ANKFN1: variants seen among roughly 807,000 people sequenced by gnomAD.
ANKFN1 encodes ankyrin repeat and fibronectin type III domain containing 1, also known as ankyrin repeat and fibronectin type-III domain-containing protein 1.
Under a neutral mutation model 108.7 loss-of-function variants are expected in ANKFN1, and 74 were observed. The observed-to-expected ratio is 0.68, with a 90% CI of 0.56 to 0.83. The LOEUF (loss-of-function observed/expected upper bound fraction) is 0.83, where lower values mean the gene tolerates loss of function less well. Among genes scored for constraint, ANKFN1 ranks in the 40% least tolerant of loss-of-function variants. The pLI, the probability that ANKFN1 is intolerant of heterozygous loss-of-function variation, is 0.00. For synonymous variants in ANKFN1, 547 were observed against 516.2 expected (o/e 1.06, Z -0.81); for missense variants, 1,505 against 1,382.3 (o/e 1.09, Z -1.41).
chr17:56,408,651 C>G (rs1301706942), intron 8 of ANKFN1, among the ~76,000 whole-genome samples: 1 of 152,142 alleles, frequency 6.6e-6, no homozygotes, highest in East Asian at 1.9e-4. Flanking sequence ...GATTTTATTT[C>G]TGTTACCTAT....
intron 3 of ANKFN1, among the ~76,000 whole-genome samples, chr17:56,304,128 G>A (rs915426703): frequency 1.3e-5 from 2 of 151,934 alleles, no homozygotes; most frequent in Non-Finnish European, 2.9e-5. Context: ...CCTTTAACTT[G>A]CCATTTTATG....
chr17:56,245,469 T>C (rs1408653094), intron 3 of ANKFN1, among the ~76,000 whole-genome samples: 1 of 152,166 alleles, frequency 6.6e-6, no homozygotes, highest in Non-Finnish European at 1.5e-5. Flanking sequence ...ATGGGTGATT[T>C]AATGAAATTT....
At chr17:56,389,689 T>G (rs940881170) in intron 8 of ANKFN1, among the ~76,000 whole-genome samples, 6 of 152,226 alleles carry the variant, frequency 3.9e-5, no homozygotes, top group African/African-American at 1.4e-4. Context: ...TGTCAGTTGG[T>G]GAAGGATTAT....
At chr17:56,456,670 A>G (rs1404459803) in intron 11 of ANKFN1, among the ~76,000 whole-genome samples, 191 bp from the exon 12 acceptor site, 4 of 152,066 alleles carry the variant, frequency 2.6e-5, no homozygotes, top group African/African-American at 9.6e-5. Context: ...TACTGGGATT[A>G]CCAGCGAGAG....
rs1402647413 is a variant in ANKFN1, at chr17:56,516,429, C to T, written c.*5160C>T. ...GTTACTTGTTCAGAATTTATTGTGT[C>T]TTATTGCTATGTATGCAACTGAGTG... On this transcript the variant is annotated 3_prime_UTR_variant, in exon 21 of 21. Transcript: ENST00000682825. Among the ~76,000 whole-genome samples, 1 of 152,120 alleles carries T rather than the reference C, an allele frequency of 6.6e-6. No individual in the cohort carries two copies. The highest frequency in any genetic ancestry group is 1.5e-5 in the Non-Finnish European group (1 of 68,014).
intron 3 of ANKFN1, among the ~76,000 whole-genome samples, chr17:56,254,768 C>T (rs1461770508): frequency 6.6e-6 from 1 of 152,138 alleles, no homozygotes; most frequent in African/African-American, 2.4e-5. Context: ...GAGAGGACAC[C>T]ATGAACATGG....
intron 3 of ANKFN1, among the ~76,000 whole-genome samples, chr17:56,324,406 AT>A (rs2045458586): frequency 6.6e-6 from 1 of 152,130 alleles, no homozygotes; most frequent in African/African-American, 2.4e-5. Context: ...CAACTTGAGT[AT>A]TTGCTCTAGA....
chr17:56,362,181 A>T (rs2144723464), intron 6 of ANKFN1, among the ~76,000 whole-genome samples: 1 of 152,308 alleles, frequency 6.6e-6, no homozygotes, highest in East Asian at 1.9e-4. Flanking sequence ...ATTTCTAAAA[A>T]TTGTTAGCCA....
intron 8 of ANKFN1, among the ~76,000 whole-genome samples, chr17:56,401,253 A>G (rs2047752814): frequency 6.6e-6 from 1 of 151,872 alleles, no homozygotes; most frequent in Admixed American, 6.6e-5. Flanking sequence ...TGTGTCATCT[A>G]TGATTTCTTT....
Position 56,372,688 on chromosome 17 carries a change from T to A in ANKFN1, c.644T>A (p.Val215Asp), listed in dbSNP as rs766856839. The stretch of plus-strand genomic sequence containing the variant: ...CGAGCAATGCACCTCAACACACTGG[T>A]CCAGGAAGCCCAGGAGAGGGTGAGT... ...ESRAMHLNTL[V>D]QEAQERVSEL... Residue 215 changes from valine to aspartate, a missense_variant, in exon 7 of 21, where the codon GTC becomes GAC. By Grantham distance (152) the Val-to-Asp change is radical. Coordinates refer to ENST00000682825, the MANE Select transcript of ANKFN1 (RefSeq NM_001370326.1). 1 of 1,613,822 alleles carries A rather than the reference T, an allele frequency of 6.2e-7. No homozygotes were observed. The highest frequency in any genetic ancestry group is 1.1e-5 in the South Asian group (1 of 91,052).
At chr17:56,106,523 AGAT>A (rs1447714799) in intron 4 of ANKFN1, among the ~76,000 whole-genome samples, 1 of 152,234 alleles carries the variant, frequency 6.6e-6, no homozygotes, top group Non-Finnish European at 1.5e-5. Context: ...TTTCACTGCC[AGAT>A]GATGATAACA....
At chr17:56,320,373 T>C (rs951084393) in intron 3 of ANKFN1, among the ~76,000 whole-genome samples, 3 of 152,234 alleles carry the variant, frequency 2.0e-5, no homozygotes, top group East Asian at 1.9e-4. Flanking sequence ...AGTGTGCCAA[T>C]TGAGAAAATA....
At chr17:56,505,363 A>G (rs2051519693) in intron 20 of ANKFN1, among the ~76,000 whole-genome samples, 1 of 152,214 alleles carries the variant, frequency 6.6e-6, no homozygotes. Flanking sequence ...AGAGCCTTCT[A>G]TGTACCATTT....
chr17:56,080,803 T>A (rs1356130269), intron 4 of ANKFN1, among the ~76,000 whole-genome samples: 1 of 152,208 alleles, frequency 6.6e-6, no homozygotes, highest in East Asian at 1.9e-4. Context: ...AAAGTGTGTG[T>A]TTTGGAAAAT....
At chr17:56,463,824 G>T (rs2049991012) in intron 14 of ANKFN1, 1 of 152,052 alleles carries the variant, frequency 6.6e-6, no homozygotes, top group Non-Finnish European at 1.5e-5. Flanking sequence ...TCTTTTTCAG[G>T]CCTCCTTATC....
intron 4 of ANKFN1, among the ~76,000 whole-genome samples, chr17:56,070,622 T>G (rs552231043): frequency 2.0e-5 from 3 of 152,330 alleles, no homozygotes; most frequent in African/African-American, 7.2e-5. Context: ...GGTTTATGTT[T>G]GTTCTCTTAA....
intron 4 of ANKFN1, among the ~76,000 whole-genome samples, chr17:56,121,874 G>T (rs1906642217): frequency 6.6e-6 from 1 of 152,200 alleles, no homozygotes; most frequent in South Asian, 2.1e-4. Flanking sequence ...TACTAGACGT[G>T]AAGCCTTTGG....
chr17:56,181,091 G>T (rs1490116738), intron 1 of ANKFN1, among the ~76,000 whole-genome samples: 1 of 152,186 alleles, frequency 6.6e-6, no homozygotes, highest in Non-Finnish European at 1.5e-5. Flanking sequence ...CCAGTTGGCT[G>T]TTTGAGTCTA....
At chr17:56,150,879 G>A (rs1333695319), upstream of ANKFN1, among the ~76,000 whole-genome samples, 1 of 152,124 alleles carries the variant, frequency 6.6e-6, no homozygotes, top group African/African-American at 2.4e-5. Flanking sequence ...AAAGGAAAGT[G>A]CAAGAGAAAG....
Sources: gnomAD v4.1 joint callset for allele counts (sites outside exome capture counted in the v4.1 genomes callset) on GRCh38, gnomAD v4.1.1 for gene constraint, MANE v1.5 for transcripts, NCBI Gene and HGNC (gene_info 2026-07-23, HGNC 2026-07-21) for gene names.